The following BABAM2 variants were observed in gnomAD, a reference collection of about 807,000 sequenced individuals.
The protein encoded by BABAM2 is BRISC and BRCA1 A complex member 2.
Under a neutral mutation model 54.7 loss-of-function variants are expected in BABAM2, and 31 were observed. The observed-to-expected ratio is 0.57, with a 90% CI of 0.43 to 0.77. BABAM2 has a LOEUF of 0.77. Ranked by LOEUF, BABAM2 falls within the 30% of genes least tolerant of loss-of-function variation. The pLI, the probability that BABAM2 is intolerant of heterozygous loss-of-function variation, is 0.00. For missense variants in BABAM2, 364 were observed against 455.8 expected, an observed-to-expected ratio of 0.80 and a Z score of 1.83; for synonymous variants, 167 against 162.9, an observed-to-expected ratio of 1.03 and a Z score of -0.19.
At chr2:27,986,156 T>C (rs1452051218) in intron 3 of BABAM2, among the ~76,000 whole-genome samples, 2 of 152,186 alleles carry the variant, frequency 1.3e-5, no homozygotes, top group African/African-American at 4.8e-5. Flanking sequence ...TTGAAAAGTT[T>C]GCTTTTACTC....
chr2:28,001,729 A>G (rs529228336), intron 4 of BABAM2, among the ~76,000 whole-genome samples: 16 of 152,240 alleles, frequency 1.1e-4, no homozygotes, highest in Admixed American at 2.6e-4. Flanking sequence ...GGCGTATCAC[A>G]TGGTGAGAGC....
At chr2:28,172,087 ATGTGTGTG>A (rs10612484) in intron 7 of BABAM2, among the ~76,000 whole-genome samples, 50 of 149,684 alleles carry the variant, frequency 3.3e-4, no homozygotes, top group Non-Finnish European at 3.9e-4. Flanking sequence ...TTTGTTTGAA[ATGTGTGTG>A]TGTGTGTGTG....
intron 2 of BABAM2, among the ~76,000 whole-genome samples, chr2:27,921,366 C>A (rs778069229): frequency 6.6e-6 from 1 of 152,000 alleles, no homozygotes; most frequent in Admixed American, 6.5e-5. Context: ...AATAAAATAT[C>A]ATTTGTTGAA....
At chr2:28,135,971 TG>T (rs1670499032) in intron 7 of BABAM2, among the ~76,000 whole-genome samples, 1 of 152,194 alleles carries the variant, frequency 6.6e-6, no homozygotes, top group South Asian at 2.1e-4. Flanking sequence ...GAAGCTTCAA[TG>T]CCTCTCTGTT....
intron 11 of BABAM2, among the ~76,000 whole-genome samples, chr2:28,306,715 G>C (rs1272666170): frequency 7.2e-6 from 1 of 138,824 alleles, no homozygotes; most frequent in African/African-American, 2.7e-5. Flanking sequence ...TTTTTTTTTT[G>C]AGACAGAGTC....
intron 4 of BABAM2, among the ~76,000 whole-genome samples, chr2:27,990,018 T>C (rs1180915264): frequency 2.0e-5 from 3 of 152,190 alleles, no homozygotes; most frequent in Non-Finnish European, 4.4e-5. Flanking sequence ...AGTGAAGTTA[T>C]CACAAATGTT....
chr2:27,931,671 A>G (rs910312084), intron 3 of BABAM2, among the ~76,000 whole-genome samples: 2 of 152,116 alleles, frequency 1.3e-5, no homozygotes, highest in Non-Finnish European at 2.9e-5. Context: ...ATAACCCCTA[A>G]GAATTCTTAG....
At chr2:28,175,690 A>G (rs886859628) in intron 7 of BABAM2, among the ~76,000 whole-genome samples, 3 of 152,338 alleles carry the variant, frequency 2.0e-5, no homozygotes, top group Admixed American at 1.3e-4. Flanking sequence ...CATGCTATGC[A>G]TGCTGCCTAA....
At chr2:28,066,143 A>T (rs571375138) in intron 6 of BABAM2, among the ~76,000 whole-genome samples, 2 of 151,330 alleles carry the variant, frequency 1.3e-5, no homozygotes, top group South Asian at 4.2e-4. Flanking sequence ...TAGGCGACAG[A>T]ATGAGACTCC....
chr2:28,092,956 G>T (rs1377313865), intron 6 of BABAM2, among the ~76,000 whole-genome samples: 3 of 152,056 alleles, frequency 2.0e-5, no homozygotes, highest in Non-Finnish European at 2.9e-5. Flanking sequence ...CTGCCCTTTT[G>T]CTGGTGTTAT....
chr2:28,046,623 T>G (rs1423456704), intron 6 of BABAM2, among the ~76,000 whole-genome samples: 1 of 152,194 alleles, frequency 6.6e-6, no homozygotes. Flanking sequence ...TATTCATAAC[T>G]GCCTAGAGAA....
intron 3 of BABAM2, among the ~76,000 whole-genome samples, chr2:27,949,529 G>A (rs1321622465): frequency 6.8e-6 from 1 of 147,276 alleles, no homozygotes; most frequent in South Asian, 2.1e-4. Flanking sequence ...GTGAGATTCC[G>A]TCTCAAAAAA....
chr2:28,076,809 A>G (rs1399236562), intron 6 of BABAM2, among the ~76,000 whole-genome samples: 1 of 152,044 alleles, frequency 6.6e-6, no homozygotes, highest in African/African-American at 2.4e-5. Flanking sequence ...AGCCCATTGA[A>G]CATTTTTAAT....
rs556008949 is a variant in BABAM2 at position 27,995,263 on chromosome 2, A to C, written c.300+7176A>C. Among the ~76,000 whole-genome samples, 12 of 152,254 alleles carry C rather than the reference A, an allele frequency of 7.9e-5. No homozygotes were observed. Among genetic ancestry groups the C allele is most frequent in the African/African-American group, 2.9e-4 (12 of 41,544 alleles). ...CAGTGAAACAGGCTGGAGGATGAGC[A>C]CTAATAGGTCTTCTGCATGGCTCTG... On this transcript the variant is annotated intron_variant, in intron 4 of 11. Transcript: ENST00000379624. The surrounding 1 kb of genome is among the most constrained non-coding windows in gnomAD (Gnocchi z 4.1).
At chr2:28,194,206 G>C (rs1677247998) in intron 7 of BABAM2, among the ~76,000 whole-genome samples, 1 of 152,076 alleles carries the variant, frequency 6.6e-6, no homozygotes, top group Non-Finnish European at 1.5e-5. Flanking sequence ...GATGGTGTTG[G>C]GGCCTTGTAA....
chr2:28,069,579 TGTG>T (rs1427601956), intron 6 of BABAM2, among the ~76,000 whole-genome samples: 1 of 152,148 alleles, frequency 6.6e-6, no homozygotes, highest in Admixed American at 6.5e-5. Context: ...CCATGAGAAT[TGTG>T]GTGCTACTTT....
intron 7 of BABAM2, among the ~76,000 whole-genome samples, chr2:28,163,096 A>G (rs571407773): frequency 2.0e-5 from 3 of 152,234 alleles, no homozygotes; most frequent in African/African-American, 7.2e-5. Flanking sequence ...CTGTGTGTAG[A>G]CAGATAGAAT....
At chr2:28,318,457 C>T (rs1572408857) in intron 11 of BABAM2, among the ~76,000 whole-genome samples, 5 of 152,268 alleles carry the variant, frequency 3.3e-5, no homozygotes, top group Admixed American at 3.3e-4. Flanking sequence ...TGGTCCTTTA[C>T]AGAAAGAGTT....
chr2:28,111,011 C>T (rs1307250668), intron 6 of BABAM2, among the ~76,000 whole-genome samples: 3 of 150,830 alleles, frequency 2.0e-5, no homozygotes, highest in African/African-American at 7.3e-5. Context: ...CTTTGTCACC[C>T]AGGCTGGAGT....
Sources: allele counts gnomAD v4.1 joint callset (sites outside exome capture counted in the v4.1 genomes callset), GRCh38; gene constraint gnomAD v4.1.1; non-coding constraint Gnocchi (gnomAD v3.1); transcripts MANE v1.5; gene names NCBI Gene and HGNC (gene_info 2026-07-23, HGNC 2026-07-21).